The following MZF1 variants were observed in gnomAD, a reference collection of about 807,000 sequenced individuals.
MZF1 encodes zinc finger and SCAN domain-containing protein 6.
In MZF1, 24 loss-of-function variants were observed where a neutral mutation model predicts 28.6. The ratio of observed to expected loss-of-function variants is 0.84; its 90% CI spans 0.61 to 1.18. MZF1 has a LOEUF of 1.18. MZF1 is among the 50% of genes most tolerant of loss of function. The probability of loss-of-function intolerance (pLI) is 0.00; values close to 1 mark genes in which losing one functional copy is unlikely to be tolerated. For synonymous variants in MZF1, 516 were observed against 432.5 expected, an observed-to-expected ratio of 1.19 and a Z score of -2.40; for missense variants, 1,166 against 1,026.4, an observed-to-expected ratio of 1.14 and a Z score of -1.86.
rs188525596 is a variant in MZF1, at chr19:58,565,954, C to T, written c.773-2450G>A. On this transcript the variant is annotated intron_variant, in intron 5 of 5. Transcript: ENST00000215057. ...AGGAGATCGAGACCATCCTGGCTAA[C>T]ACGGCGAAACCCCGTCTCTACTAAA... Among the ~76,000 whole-genome samples, 705 of 148,682 alleles carry T rather than the reference C, an allele frequency of 4.7e-3. 5 individuals are homozygous for T. Among genetic ancestry groups the T allele is most frequent in the African/African-American group, 0.016 (629 of 40,472 alleles).
At position 58,562,644 on chromosome 19, in the gene MZF1, C is replaced by A. The variant is rs1461934076; in HGVS notation, c.1633G>T (p.Glu545Ter). The A allele has an allele frequency of 5.1e-6, 8 of 1,553,830 alleles. No individual in the cohort carries two copies. The African/African-American group carries it at 1.1e-4, about 21-fold the overall frequency. Residue 545 changes from glutamate (E) to a stop codon, truncating the protein, a stop_gained, in exon 6 of 6, where the codon GAG becomes TAG. Transcript: ENST00000215057. LOFTEE classifies it low-confidence loss of function (END_TRUNC). ...CGCTGCCGGAAGCTCTGGCCGCACTCGGCACAGGCGAAGGGCCGCTCGCCA... is the reference window on the plus strand; with the variant it reads ...CGCTGCCGGAAGCTCTGGCCGCACTAGGCACAGGCGAAGGGCCGCTCGCCA... ...HSGERPFACA[E>*]CGQSFRQRSN...
In MZF1 at chr19:58,562,382, A is replaced by T. The variant is rs2053944274; in HGVS notation, c.1895T>A (p.Leu632Gln). 1 of 1,603,550 alleles carries T rather than the reference A, an allele frequency of 6.2e-7. No homozygotes were observed. The highest frequency in any genetic ancestry group is 8.5e-7 in the Non-Finnish European group (1 of 1,176,844). ...EKPYHCGECG[L>Q]GFTQVSRLTE... ...GAGCCGCGAGACCTGCGTGAAGCCC[A>T]GGCCGCACTCACCGCAGTGGTAGGG... is the stretch of plus-strand genomic sequence containing the variant. Residue 632 changes from leucine (L) to glutamine (Q), a missense_variant, in exon 6 of 6, where the codon CTG (leucine) becomes CAG (glutamine). By Grantham distance (113) the Leu-to-Gln change is moderately radical (BLOSUM62 -2). Coordinates refer to ENST00000215057, the MANE Select transcript of MZF1 (RefSeq NM_198055.2).
chr19:58,563,571 T>C, intron 5 of MZF1, 67 bp from the exon 6 acceptor site: 1 of 1,338,442 alleles, frequency 7.5e-7, no homozygotes, highest in Non-Finnish European at 1.0e-6. Flanking sequence ...ACTTCATCCC[T>C]GGGGACACAG....
rs751314226 is a variant in MZF1, at chr19:58,569,555, G to A, written c.612C>T (p.Thr204=). Residue 204 remains threonine, a synonymous_variant, in exon 4 of 6, where the codon ACC becomes ACT. Coordinates refer to ENST00000215057, the MANE Select transcript of MZF1 (RefSeq NM_198055.2). The stretch of plus-strand genomic sequence containing the variant: ...GCAGGAGGGTGGGTACAGACTCCTG[G>A]GTGGCAGCTAGAGGCCCAGACTCCA... ...DFLESGPLAA[T]QESVPTLLPE... The A allele has an allele frequency of 1.3e-5, 21 of 1,607,822 alleles. No individual in the cohort carries two copies. The South Asian group carries it at 2.0e-4, about 15-fold the overall frequency.
rs755347600 is a variant in MZF1 at position 58,570,390 on chromosome 19, T to C, written c.534A>G (p.Pro178=). The change falls in exon 3 of 6, where the codon CCA becomes CCG. Residue 178 remains proline, a synonymous_variant. Coordinates refer to ENST00000215057, the MANE Select transcript of MZF1 (RefSeq NM_198055.2). ...KTPPRTMQES[P]LGLQVKEESE... is the part of the protein sequence containing the mutation. ...ACTCCTCTTTCACCTGCAGGCCCAG[T>C]GGTGATTCCTGCATAGTCCTAGGAG... The C allele has an allele frequency of 1.6e-5, 26 of 1,613,356 alleles. No individual in the cohort carries two copies. Among genetic ancestry groups the C allele is most frequent in the Non-Finnish European group, 5.1e-6 (6 of 1,179,626 alleles).
Position 58,571,008 on chromosome 19 carries a change from C to A in MZF1, c.382G>T (p.Gly128Ter), listed in dbSNP as rs142655497. ...LVDGLRREPG[G>*]PRRWVTVQVQ... ...CACTCACTCACCCATCTCCGGGGTC[C>A]GCCCGGCTCCCGGCGCAGCCCATCT... The change falls in exon 2 of 6, where the codon GGA (glycine) becomes TGA (stop). Residue 128 changes from glycine to a stop codon, truncating the protein, a stop_gained. Coordinates refer to ENST00000215057, the MANE Select transcript of MZF1 (RefSeq NM_198055.2). LOFTEE classifies it high-confidence loss of function. 6.2e-7 allele frequency: 1 copy of A among 1,607,468 alleles called. No individual in the cohort carries two copies. Among genetic ancestry groups the A allele is most frequent in the Non-Finnish European group, 8.5e-7 (1 of 1,176,210 alleles).
At chr19:58,568,508 C>G (rs917271409) in intron 5 of MZF1, 1 of 152,106 alleles carries the variant, frequency 6.6e-6, no homozygotes, top group Non-Finnish European at 1.5e-5. Context: ...GAATTTCAAA[C>G]TGAAAAAGCT....
Position 58,563,292 on chromosome 19 carries a change from C to T in MZF1, c.985G>A (p.Ala329Thr). Residue 329 changes from alanine (A) to threonine (T), a missense_variant, in exon 6 of 6, where the codon GCT becomes ACT. Ala to Thr is a moderately conservative substitution (Grantham distance 58). Coordinates refer to ENST00000215057, the MANE Select transcript of MZF1 (RefSeq NM_198055.2). Reference sequence around the variant, plus strand: ...GAGCGCCAGCGGGTGGTGATCAGAGCAGGGCCCACACCCCGGCAGGGATCC... The same window carrying T: ...GAGCGCCAGCGGGTGGTGATCAGAGTAGGGCCCACACCCCGGCAGGGATCC... ...DEDPCRGVGPALITTRWRSPR... is the reference protein window; with the variant it reads ...DEDPCRGVGPTLITTRWRSPR... 6.2e-7 allele frequency: 1 copy of T among 1,607,752 alleles called. No individual in the cohort carries two copies. The highest frequency in any genetic ancestry group is 8.5e-7 in the Non-Finnish European group (1 of 1,177,658).
rs572234763 is a variant in MZF1 at position 58,570,196 on chromosome 19, G to A, written c.580+148C>T. ...ACTGGCTGCGGTGGAGGGGAGACCT[G>A]ACTGGGTAGAATGTGGGGGCTGCTG... On this transcript the variant is annotated intron_variant, in intron 3 of 5. Transcript: ENST00000215057. 3 of 839,496 alleles carry A rather than the reference G, an allele frequency of 3.6e-6. No homozygotes were observed. In the Admixed American group the frequency reaches 8.3e-5, roughly 23 times the overall value. The allele number at this position is 839,496 out of a possible 1,614,324, so 52.0% of individuals were successfully genotyped here.
chr19:58,569,022 T>G, intron 5 of MZF1: 1 of 414,626 alleles, frequency 2.4e-6, no homozygotes, highest in Non-Finnish European at 4.3e-6. Flanking sequence ...CTCGCCCTGC[T>G]TGCAAAAGGT....
intron 1 of MZF1, chr19:58,571,901 G>A (rs77537775): frequency 0.019 from 3,108 of 159,634 alleles, 51 homozygotes; most frequent in Admixed American, 0.037. Flanking sequence ...TTGAACTCCT[G>A]GGCTCAAGCA....
rs113665664 is a variant in MZF1 at position 58,566,201 on chromosome 19, C to G, written c.773-2697G>C. Among the ~76,000 whole-genome samples, 875 of 150,670 alleles carry G rather than the reference C, an allele frequency of 5.8e-3. 6 individuals carry two copies. Among genetic ancestry groups the G allele is most frequent in the African/African-American group, 0.02 (828 of 41,008 alleles). ...GTGGCTCACGCCTGTGATCCCGGCA[C>G]TTTGGCAGGCAAAGGTGGGCGGATC... On this transcript the variant is annotated intron_variant, in intron 5 of 5. Coordinates refer to ENST00000215057, the MANE Select transcript of MZF1 (RefSeq NM_198055.2).
intron 3 of MZF1, 53 bp downstream of exon 3, chr19:58,570,291 T>C: frequency 6.6e-7 from 1 of 1,522,926 alleles, no homozygotes; most frequent in Non-Finnish European, 8.8e-7. Flanking sequence ...TCAGGCCAGG[T>C]TCCCTGGCCC....
chr19:58,569,031 G>A (rs527534708), intron 5 of MZF1: 3 of 442,668 alleles, frequency 6.8e-6, no homozygotes, highest in East Asian at 4.1e-5. Context: ...CTTGCAAAAG[G>A]TTTTACTAGG....
rs141191488 is a variant in MZF1, at chr19:58,569,181, G to C, written c.772+96C>G. ...AATGGGGGAACTTGGGGATGCTGGA[G>C]TAAGAGGGCTGCCTGCGTAGGGCCA... On this transcript the variant is annotated intron_variant, in intron 5 of 5. Coordinates refer to ENST00000215057, the MANE Select transcript of MZF1 (RefSeq NM_198055.2). The C allele has an allele frequency of 2.1e-6, 3 of 1,433,362 alleles. No individual in the cohort carries two copies. In the African/African-American group the frequency reaches 4.3e-5, roughly 21 times the overall value. 88.8% of individuals were successfully genotyped at this position (1,433,362 alleles called of 1,614,324 possible). A position where few individuals can be genotyped will look rare whatever the true frequency, so the allele number is the denominator to read the frequency against.
At position 58,563,048 on chromosome 19, in the gene MZF1, C is replaced by T. The variant is rs925778333; in HGVS notation, c.1229G>A (p.Arg410Gln). The T allele has an allele frequency of 6.2e-7, 1 of 1,602,552 alleles. No homozygotes were observed. The highest frequency in any genetic ancestry group is 8.5e-7 in the Non-Finnish European group (1 of 1,179,564). The change falls in exon 6 of 6, where the codon CGG becomes CAG. Residue 410 changes from arginine (R) to glutamine (Q), a missense_variant. Coordinates refer to ENST00000215057, the MANE Select transcript of MZF1 (RefSeq NM_198055.2). ...LRHQLTHTEERPFVCGDCGQG... is the reference protein window; with the variant it reads ...LRHQLTHTEEQPFVCGDCGQG... ...GCCACAGTCGCCGCACACGAACGGC[C>T]GCTCCTCGGTGTGCGTAAGCTGGTG... is the stretch of plus-strand genomic sequence containing the variant.
At position 58,564,902 on chromosome 19, in the gene MZF1, GTTTTTTTTTTTTTTTTTT is replaced by G. The variant is rs71190056; in HGVS notation, c.773-1416_773-1399del. ...GTGGAGAATAAGCATCCATGTGTGT[GTTTTTTTTTTTTTTTTTT>G]TTTTTTTTTTTTTTTTTTGAGACTG... On this transcript the variant is annotated intron_variant, in intron 5 of 5. Coordinates refer to ENST00000215057, the MANE Select transcript of MZF1 (RefSeq NM_198055.2). 2.4e-4 allele frequency among the ~76,000 whole-genome samples: 10 copies of G among 41,994 alleles called. No individual in the cohort carries two copies. The East Asian group carries it at 4.2e-3, about 18-fold the overall frequency. The allele number at this position is 41,994 out of a possible 152,430, so 27.5% of individuals were successfully genotyped here.
intron 2 of MZF1, chr19:58,570,766 G>T: frequency 1.5e-6 from 1 of 648,560 alleles, no homozygotes; most frequent in Non-Finnish European, 2.6e-6. Context: ...TATTCCCCTA[G>T]CCTGCAGCTC....
Position 58,571,034 on chromosome 19 carries a change from A to G in MZF1, c.356T>C (p.Val119Ala). 2 of 1,612,550 alleles carry G rather than the reference A, an allele frequency of 1.2e-6. No homozygotes were observed. The highest frequency in any genetic ancestry group is 1.7e-6 in the Non-Finnish European group (2 of 1,179,434). ...PGSPEEAAAL[V>A]DGLRREPGGP... ...GCCCGGCTCCCGGCGCAGCCCATCTACTAGGGCAGCAGCCTCCTCGGGGCT... is the reference window on the plus strand; with the variant it reads ...GCCCGGCTCCCGGCGCAGCCCATCTGCTAGGGCAGCAGCCTCCTCGGGGCT... Residue 119 changes from valine to alanine, a missense_variant, in exon 2 of 6, where the codon GTA (valine) becomes GCA (alanine). Transcript: ENST00000215057.
Sources: allele counts gnomAD v4.1 joint callset (sites outside exome capture counted in the v4.1 genomes callset), GRCh38; gene constraint gnomAD v4.1.1; transcripts MANE v1.5; gene names NCBI Gene and HGNC (gene_info 2026-07-23, HGNC 2026-07-21).